Variants in RBFOX1 observed in about 807,000 individuals in gnomAD.
RBFOX1 encodes RNA binding fox-1 homolog 1.
Under a neutral mutation model 57.7 loss-of-function variants are expected in RBFOX1, and 8 were observed. The observed-to-expected ratio is 0.14, with a 90% confidence interval of 0.08 to 0.25. RBFOX1 has a LOEUF of 0.25. Among genes scored for constraint, RBFOX1 ranks in the 10% least tolerant of loss-of-function variants. The probability of loss-of-function intolerance (pLI) is 1.00; values close to 1 mark genes in which losing one functional copy is unlikely to be tolerated. For missense variants in RBFOX1, 611 were observed against 548.5 expected (o/e 1.11, Z -1.14); for synonymous variants, 326 against 222.4 (o/e 1.47, Z -4.15).
At chr16:6,614,065 G>A (rs533895532) in intron 2 of RBFOX1, among the ~76,000 whole-genome samples, 1 of 152,142 alleles carries the variant, frequency 6.6e-6, no homozygotes. Flanking sequence ...TTTCTACATT[G>A]TAAGTTGCTT....
At chr16:6,146,184 G>T (rs188137200) in intron 1 of RBFOX1, among the ~76,000 whole-genome samples, 1 of 152,292 alleles carries the variant, frequency 6.6e-6, no homozygotes, top group East Asian at 1.9e-4. Flanking sequence ...GGTGCTGTGG[G>T]AGGGGGTGGA....
intron 4 of RBFOX1, among the ~76,000 whole-genome samples, chr16:7,430,539 G>A (rs762117839): frequency 2.6e-5 from 4 of 151,952 alleles, no homozygotes; most frequent in African/African-American, 4.8e-5. Context: ...GCACGTGCCT[G>A]TAGTCCCAGC....
intron 4 of RBFOX1, among the ~76,000 whole-genome samples, chr16:5,896,866 A>G (rs1243815814): frequency 1.3e-5 from 2 of 152,014 alleles, no homozygotes; most frequent in African/African-American, 4.8e-5. Context: ...CCTAAACATC[A>G]TATATTCATT....
At chr16:6,231,039 G>C (rs1229674560) in intron 1 of RBFOX1, among the ~76,000 whole-genome samples, 2 of 152,138 alleles carry the variant, frequency 1.3e-5, no homozygotes, top group Admixed American at 1.3e-4. Context: ...TGTTAGGTAT[G>C]AAATAGACTA....
At chr16:5,467,341 C>G in intron 2 of RBFOX1, 1 of 1,274,982 alleles carries the variant, frequency 7.8e-7, no homozygotes, top group Non-Finnish European at 1.1e-6. Context: ...CACAGCCCTG[C>G]AACTTCACTG....
intron 1 of RBFOX1, among the ~76,000 whole-genome samples, chr16:6,193,912 C>A (rs144996541): frequency 1.3e-5 from 2 of 152,252 alleles, no homozygotes; most frequent in African/African-American, 4.8e-5. Context: ...GTGTTCACAC[C>A]TAAGCGAAGT....
intron 1 of RBFOX1, among the ~76,000 whole-genome samples, chr16:6,110,701 A>C (rs2096436322): frequency 6.6e-6 from 1 of 152,288 alleles, no homozygotes; most frequent in South Asian, 2.1e-4. Context: ...CAAGAACTGT[A>C]TAATCCAGAG....
At chr16:5,282,593 A>G (rs1192539223) in intron 1 of RBFOX1, among the ~76,000 whole-genome samples, 1 of 135,214 alleles carries the variant, frequency 7.4e-6, no homozygotes, top group Non-Finnish European at 1.7e-5. Context: ...GGTGACTCCT[A>G]TTATGTTTTA....
At chr16:6,067,790 T>C (rs1224875477) in intron 1 of RBFOX1, among the ~76,000 whole-genome samples, 1 of 152,200 alleles carries the variant, frequency 6.6e-6, no homozygotes, top group Non-Finnish European at 1.5e-5. Flanking sequence ...AAATGATTGC[T>C]TTAGGATTAA....
intron 3 of RBFOX1, among the ~76,000 whole-genome samples, chr16:6,938,062 C>G (rs138502476): frequency 6.6e-6 from 1 of 151,692 alleles, no homozygotes; most frequent in Non-Finnish European, 1.5e-5. Flanking sequence ...TATGGATATC[C>G]CTCAGTTTCT....
intron 2 of RBFOX1, among the ~76,000 whole-genome samples, chr16:6,639,505 T>A (rs2098469988): frequency 6.6e-6 from 1 of 152,170 alleles, no homozygotes; most frequent in Non-Finnish European, 1.5e-5. Flanking sequence ...TAGAAACATC[T>A]TATATTGAGA....
At chr16:7,362,815 G>C (rs562900950) in intron 4 of RBFOX1, among the ~76,000 whole-genome samples, 35 of 152,274 alleles carry the variant, frequency 2.3e-4, no homozygotes, top group Admixed American at 1.0e-3. Flanking sequence ...TGCCAGAGAA[G>C]TGGCTTATCA....
At chr16:7,225,386 G>A (rs1038710801) in intron 4 of RBFOX1, among the ~76,000 whole-genome samples, 1 of 152,112 alleles carries the variant, frequency 6.6e-6, no homozygotes, top group Admixed American at 6.5e-5. Context: ...GGTTTTGTAA[G>A]GGGTTTCCCT....
intron 4 of RBFOX1, among the ~76,000 whole-genome samples, chr16:7,494,656 C>G (rs1239373767): frequency 1.3e-5 from 2 of 151,962 alleles, no homozygotes; most frequent in African/African-American, 4.8e-5. Flanking sequence ...AGAGAGGAGC[C>G]AACACTCAAA....
chr16:6,991,316 A>G (rs114074556), intron 3 of RBFOX1, among the ~76,000 whole-genome samples: 2,501 of 152,058 alleles, frequency 0.016, 21 homozygotes, highest in Middle Eastern at 0.044. Context: ...AAAGTTGGCT[A>G]TTTCTGCATT....
chr16:6,895,448 GTATATA>G (rs71147622), intron 3 of RBFOX1, among the ~76,000 whole-genome samples: 1,340 of 54,506 alleles, frequency 0.025, 18 homozygotes, highest in Non-Finnish European at 0.033. Flanking sequence ...GTGTGTGTGT[GTATATA>G]TATATATATA....
chr16:7,033,982 A>T (rs566307662), intron 3 of RBFOX1, among the ~76,000 whole-genome samples: 1 of 152,274 alleles, frequency 6.6e-6, no homozygotes, highest in East Asian at 1.9e-4. Flanking sequence ...TGTCTAAAAT[A>T]AAATAATAAA....
At chr16:7,360,377 T>G (rs1323236273) in intron 4 of RBFOX1, among the ~76,000 whole-genome samples, 1 of 152,162 alleles carries the variant, frequency 6.6e-6, no homozygotes, top group African/African-American at 2.4e-5. Flanking sequence ...CATATGTGGC[T>G]GAAATAAATG....
At chr16:7,288,650 G>A (rs1390165693) in intron 4 of RBFOX1, among the ~76,000 whole-genome samples, 3 of 152,146 alleles carry the variant, frequency 2.0e-5, no homozygotes. Context: ...AGACCAGCCT[G>A]GCCAACATGG....
Sources: allele counts gnomAD v4.1 joint callset (sites outside exome capture counted in the v4.1 genomes callset), GRCh38; gene constraint gnomAD v4.1.1; transcripts MANE v1.5; gene names NCBI Gene and HGNC (gene_info 2026-07-23, HGNC 2026-07-21).